Variants in GPC6 observed in about 807,000 individuals in gnomAD.
GPC6 encodes glypican-6.
In GPC6, 14 loss-of-function variants were observed where a neutral mutation model predicts 55.2. That is an observed-to-expected ratio of 0.25 (90% CI 0.17 to 0.40). The LOEUF (loss-of-function observed/expected upper bound fraction) is 0.40, where lower values mean the gene tolerates loss of function less well. Ranked by LOEUF, GPC6 falls within the 10% of genes least tolerant of loss-of-function variation. GPC6 has a pLI of 1.00. For synonymous variants in GPC6, 278 were observed against 259.6 expected, an observed-to-expected ratio of 1.07 and a Z score of -0.68; for missense variants, 641 against 708.5, an observed-to-expected ratio of 0.90 and a Z score of 1.08.
intron 1 of GPC6, among the ~76,000 whole-genome samples, chr13:93,333,531 A>ATTTTTTTTTTTTTTT (rs35057548): frequency 7.7e-6 from 1 of 130,618 alleles, no homozygotes. Context: ...ATGCTATTGA[A>ATTTTTTTTTTTTTTT]TTTTTTTTTT....
chr13:93,869,802 G>C (rs952778241), intron 3 of GPC6, among the ~76,000 whole-genome samples: 1 of 151,826 alleles, frequency 6.6e-6, no homozygotes, highest in African/African-American at 2.4e-5. Flanking sequence ...TCTTTCCAGT[G>C]AGTGGCATGG....
intron 2 of GPC6, among the ~76,000 whole-genome samples, chr13:93,691,954 C>G (rs960698377): frequency 2.0e-5 from 3 of 151,986 alleles, no homozygotes; most frequent in African/African-American, 4.8e-5. Context: ...AGTACCTACC[C>G]TATCCCATTG....
chr13:93,439,200 A>G (rs1877685015), intron 1 of GPC6, among the ~76,000 whole-genome samples: 1 of 152,140 alleles, frequency 6.6e-6, no homozygotes, highest in Non-Finnish European at 1.5e-5. Context: ...GTTTTATTGC[A>G]ATGGTCTAGA....
chr13:94,376,567 A>G (rs1214100069), intron 6 of GPC6, among the ~76,000 whole-genome samples: 1 of 150,574 alleles, frequency 6.6e-6, no homozygotes, highest in Admixed American at 6.6e-5. Flanking sequence ...AACAAATGGA[A>G]GAACATTCCA....
intron 2 of GPC6, among the ~76,000 whole-genome samples, chr13:93,598,033 A>G (rs1206410391): frequency 6.6e-6 from 1 of 152,060 alleles, no homozygotes; most frequent in Non-Finnish European, 1.5e-5. Flanking sequence ...AGTCCCAGCT[A>G]CTCAGGGGGC....
intron 2 of GPC6, among the ~76,000 whole-genome samples, chr13:93,651,319 G>T (rs1370658577): frequency 6.7e-6 from 1 of 149,816 alleles, no homozygotes; most frequent in Non-Finnish European, 1.5e-5. Context: ...TAAAAAATTT[G>T]CTTTGTACAA....
At chr13:93,980,014 T>A (rs988862032) in intron 3 of GPC6, among the ~76,000 whole-genome samples, 1 of 152,192 alleles carries the variant, frequency 6.6e-6, no homozygotes, top group African/African-American at 2.4e-5. Flanking sequence ...AGAACTTTCC[T>A]TCTAGCTCTC....
At chr13:93,409,820 A>C (rs536830695) in intron 1 of GPC6, among the ~76,000 whole-genome samples, 1 of 152,330 alleles carries the variant, frequency 6.6e-6, no homozygotes, top group South Asian at 2.1e-4. Context: ...TTTCACGTTC[A>C]AACTGTGAGA....
chr13:93,425,897 A>G (rs143264749), intron 1 of GPC6, among the ~76,000 whole-genome samples: 168 of 152,188 alleles, frequency 1.1e-3, no homozygotes, highest in African/African-American at 3.7e-3. Context: ...TCCCTTAGGC[A>G]CAGGTGCCCT....
chr13:93,308,035 A>G (rs1878931636), intron 1 of GPC6, among the ~76,000 whole-genome samples: 3 of 152,176 alleles, frequency 2.0e-5, no homozygotes, highest in Admixed American at 2.0e-4. Context: ...CTGTAATCCC[A>G]GCACTTTGGG....
intron 3 of GPC6, among the ~76,000 whole-genome samples, chr13:93,882,192 T>A (rs1875033230): frequency 6.6e-6 from 1 of 152,034 alleles, no homozygotes; most frequent in Non-Finnish European, 1.5e-5. Flanking sequence ...TCTCACTCTT[T>A]CGCCAAAGCT....
At position 93,227,697 on chromosome 13, in the gene GPC6, T is replaced by A; in HGVS notation, c.160+81T>A. The A allele has an allele frequency of 8.7e-7, 1 of 1,148,110 alleles. No individual in the cohort carries two copies. Among genetic ancestry groups the A allele is most frequent in the Non-Finnish European group, 1.2e-6 (1 of 804,572 alleles). 71.1% of individuals were successfully genotyped at this position (1,148,110 alleles called of 1,614,324 possible). A position where few individuals can be genotyped will look rare whatever the true frequency, so the allele number is the denominator to read the frequency against. ...ACTGGCCGCCCGGCGTCCCCTTCCT[T>A]CCCCCTGTTGCTGAGTTGGTGCTCA... On this transcript the variant is annotated intron_variant, in intron 1 of 8. Transcript: ENST00000377047. The surrounding 1 kb of genome is among the most constrained non-coding windows in gnomAD (Gnocchi z 4.3).
chr13:93,236,320 G>A (rs753552936), intron 1 of GPC6, among the ~76,000 whole-genome samples: 3 of 152,154 alleles, frequency 2.0e-5, no homozygotes, highest in South Asian at 4.1e-4. Context: ...AGCTTTTAGC[G>A]TACCTGTCAC....
chr13:93,832,122 AATAT>A (rs71126419), intron 3 of GPC6, among the ~76,000 whole-genome samples: 12 of 12,046 alleles, frequency 1.0e-3, no homozygotes, highest in African/African-American at 4.0e-3. Context: ...AAAAAAAAAA[AATAT>A]ATATATATAT....
chr13:93,612,325 C>T (rs957396169), intron 2 of GPC6, among the ~76,000 whole-genome samples: 54 of 152,154 alleles, frequency 3.5e-4, no homozygotes, highest in African/African-American at 1.3e-3. Context: ...TGGTGAAACC[C>T]TGTCTCTACT....
intron 1 of GPC6, among the ~76,000 whole-genome samples, chr13:93,532,831 G>A (rs1332025812): frequency 6.6e-6 from 1 of 152,032 alleles, no homozygotes; most frequent in African/African-American, 2.4e-5. Context: ...CATTGGACCT[G>A]ATTTAAACAA....
At chr13:93,753,205 T>A (rs1053231549) in intron 2 of GPC6, among the ~76,000 whole-genome samples, 12 of 152,172 alleles carry the variant, frequency 7.9e-5, no homozygotes, top group African/African-American at 2.7e-4. Flanking sequence ...TTACTTAGTG[T>A]TGGCGGAATG....
chr13:94,053,983 T>G (rs1429568689), intron 4 of GPC6, among the ~76,000 whole-genome samples: 1 of 151,876 alleles, frequency 6.6e-6, no homozygotes, highest in Non-Finnish European at 1.5e-5. Context: ...TGGACAGGCA[T>G]GTATTGGTGG....
At chr13:94,336,420 T>C (rs1457193482) in intron 6 of GPC6, among the ~76,000 whole-genome samples, 1 of 152,186 alleles carries the variant, frequency 6.6e-6, no homozygotes, top group Non-Finnish European at 1.5e-5. Context: ...TTTCTTTCCA[T>C]GATCAAGGCA....
Sources: allele counts gnomAD v4.1 joint callset (sites outside exome capture counted in the v4.1 genomes callset), GRCh38; gene constraint gnomAD v4.1.1; non-coding constraint Gnocchi (gnomAD v3.1); transcripts MANE v1.5; gene names NCBI Gene and HGNC (gene_info 2026-07-23, HGNC 2026-07-21).